Variants in TRIM33 observed in about 807,000 individuals in gnomAD.
TRIM33 encodes tripartite motif containing 33, also known as E3 ubiquitin-protein ligase TRIM33.
Under a neutral mutation model 125.4 loss-of-function variants are expected in TRIM33, and 20 were observed. The ratio of observed to expected loss-of-function variants is 0.16; its 90% CI spans 0.11 to 0.23. TRIM33 has a LOEUF of 0.23. Ranked by LOEUF, TRIM33 falls within the 10% of genes least tolerant of loss-of-function variation. The pLI is 1.00. For missense variants in TRIM33, 920 were observed against 1,411.4 expected, an observed-to-expected ratio of 0.65 and a Z score of 5.58; for synonymous variants, 564 against 513.9, an observed-to-expected ratio of 1.10 and a Z score of -1.32.
chr1:114,426,437 C>G (rs898461996), intron 8 of TRIM33, among the ~76,000 whole-genome samples: 6 of 151,644 alleles, frequency 4.0e-5, no homozygotes, highest in African/African-American at 1.5e-4. Context: ...ACAAAAACAG[C>G]TGGCTGATGT....
intron 1 of TRIM33, among the ~76,000 whole-genome samples, chr1:114,508,638 AGT>A (rs1557910288): frequency 6.6e-6 from 1 of 152,128 alleles, no homozygotes; most frequent in Non-Finnish European, 1.5e-5. Flanking sequence ...GCCCTGCTTC[AGT>A]GTCTGAATAT....
chr1:114,425,315 T>C (rs904737178), intron 9 of TRIM33, 134 bp downstream of exon 9: 1 of 1,193,814 alleles, frequency 8.4e-7, no homozygotes, highest in Non-Finnish European at 1.2e-6. Context: ...CCATAGCAAA[T>C]ATTTAAACTC....
chr1:114,448,719 G>C (rs1207971495), intron 4 of TRIM33, among the ~76,000 whole-genome samples: 3 of 152,164 alleles, frequency 2.0e-5, no homozygotes, highest in Admixed American at 6.5e-5. Context: ...TAAAGTGAAA[G>C]GGTAGTAGGA....
intron 1 of TRIM33, among the ~76,000 whole-genome samples, chr1:114,500,909 G>GAGGGACTTGGCAGGCAGTTCTGGCTTA (rs1570678933): frequency 2.2e-5 from 3 of 134,196 alleles, no homozygotes; most frequent in African/African-American, 6.0e-5. Flanking sequence ...AAGAATTTGG[G>GAGGGACTTGGCAGGCAGTTCTGGCTTA]GCCGGGCGCG....
Position 114,421,775 on chromosome 1 carries a change from C to T in TRIM33, c.1861-139G>A, listed in dbSNP as rs1157775407. ...CTTTCAAACTTATTCAGGAGAAGAA[C>T]AGTTCAAACTCAGCCTTTTCATTTT... On this transcript the variant is annotated intron_variant, in intron 10 of 19. Coordinates refer to ENST00000358465, the MANE Select transcript of TRIM33 (RefSeq NM_015906.4). 6.5e-6 allele frequency: 5 copies of T among 772,246 alleles called. No homozygotes were observed. The African/African-American group carries it at 8.8e-5, about 14-fold the overall frequency. The allele number at this position is 772,246 out of a possible 1,614,324, so 47.8% of individuals were successfully genotyped here.
intron 1 of TRIM33, among the ~76,000 whole-genome samples, chr1:114,469,848 G>A (rs990199905): frequency 1.3e-5 from 2 of 152,132 alleles, no homozygotes; most frequent in African/African-American, 4.8e-5. Flanking sequence ...AAAGAAGAAT[G>A]CTGCTTTATA....
At chr1:114,497,749 G>A (rs1405876239) in intron 1 of TRIM33, among the ~76,000 whole-genome samples, 2 of 151,992 alleles carry the variant, frequency 1.3e-5, no homozygotes, top group Non-Finnish European at 2.9e-5. Flanking sequence ...CTAAAGCAAT[G>A]CCCAACAATT....
intron 4 of TRIM33, among the ~76,000 whole-genome samples, chr1:114,458,825 T>C (rs1397784827): frequency 1.3e-5 from 2 of 152,172 alleles, no homozygotes; most frequent in East Asian, 3.9e-4. Flanking sequence ...ATTTTTTTAA[T>C]GGGGGCTCAA....
chr1:114,459,767 C>CAT (rs752277796), intron 4 of TRIM33, among the ~76,000 whole-genome samples: 59 of 151,998 alleles, frequency 3.9e-4, no homozygotes, highest in Middle Eastern at 6.8e-3. Context: ...TCTCTCTCTC[C>CAT]ATATATATAT....
chr1:114,485,375 C>A (rs1223854903), intron 1 of TRIM33, among the ~76,000 whole-genome samples: 1 of 151,908 alleles, frequency 6.6e-6, no homozygotes, highest in South Asian at 2.1e-4. Flanking sequence ...TCCCACCTGG[C>A]AATAATAAGG....
intron 1 of TRIM33, among the ~76,000 whole-genome samples, chr1:114,487,962 G>T (rs944118066): frequency 1.3e-5 from 2 of 149,584 alleles, no homozygotes; most frequent in African/African-American, 4.9e-5. Flanking sequence ...TCTTCTCATG[G>T]ATTTCTTAAA....
intron 1 of TRIM33, among the ~76,000 whole-genome samples, chr1:114,498,844 G>C (rs1652535964): frequency 1.3e-5 from 2 of 152,014 alleles, no homozygotes; most frequent in Non-Finnish European, 2.9e-5. Context: ...TGAAAAAAAT[G>C]TAAAGTTCTC....
intron 1 of TRIM33, among the ~76,000 whole-genome samples, chr1:114,472,391 ATACTT>A (rs1650702198): frequency 6.6e-6 from 1 of 152,228 alleles, no homozygotes; most frequent in Admixed American, 6.5e-5. Context: ...AAAATAGAAA[ATACTT>A]TATAACAGTG....
intron 1 of TRIM33, chr1:114,468,945 G>A (rs921141592): frequency 1.8e-5 from 4 of 227,246 alleles, no homozygotes; most frequent in African/African-American, 9.5e-5. Context: ...TAGGAACCAA[G>A]AAAACTTATT....
In TRIM33 at chr1:114,392,918, C is replaced by T. The variant is rs1651355646; in HGVS notation, c.*4730G>A. ...TATAACAAGAATTATTTACAGGCAGCTAATGTATTAAATAACCATGAAAAG... is the reference window on the plus strand; with the variant it reads ...TATAACAAGAATTATTTACAGGCAGTTAATGTATTAAATAACCATGAAAAG... On this transcript the variant is annotated 3_prime_UTR_variant, in exon 20 of 20. Coordinates refer to ENST00000358465, the MANE Select transcript of TRIM33 (RefSeq NM_015906.4). 1 of 195,720 alleles carries T rather than the reference C, an allele frequency of 5.1e-6. No homozygotes were observed. The highest frequency in any genetic ancestry group is 2.3e-5 in the African/African-American group (1 of 43,250). 12.1% of individuals were successfully genotyped at this position (195,720 alleles called of 1,614,324 possible). A position where few individuals can be genotyped will look rare whatever the true frequency, so the allele number is the denominator to read the frequency against.
rs774103641 is a variant in TRIM33 at position 114,397,875 on chromosome 1, T to TAGG, written c.3172-18_3172-16dup. 9.3e-6 allele frequency: 15 copies of TAGG among 1,613,894 alleles called. No individual in the cohort carries two copies. The highest frequency in any genetic ancestry group is 1.6e-4 in the Middle Eastern group (1 of 6,084). ...TCTGAATCAGCCTGCAAGCAAAAGATAGGAATATTCACCTATTGGTAATGC... is the reference window on the plus strand; with the variant it reads ...TCTGAATCAGCCTGCAAGCAAAAGATAGGAGGAATATTCACCTATTGGTAATGC... On this transcript the variant is annotated splice_polypyrimidine_tract_variant and intron_variant, in intron 19 of 19. Coordinates refer to ENST00000358465, the MANE Select transcript of TRIM33 (RefSeq NM_015906.4).
intron 1 of TRIM33, among the ~76,000 whole-genome samples, chr1:114,502,610 G>A (rs1289354255): frequency 1.3e-5 from 2 of 152,114 alleles, no homozygotes; most frequent in Non-Finnish European, 2.9e-5. Context: ...AGCCTCAAGT[G>A]ATCCTCCCAC....
chr1:114,462,773 T>C (rs1650072448), intron 4 of TRIM33, among the ~76,000 whole-genome samples: 1 of 152,206 alleles, frequency 6.6e-6, no homozygotes, highest in Non-Finnish European at 1.5e-5. Context: ...ACTGCTTTTG[T>C]AGATTACAGC....
At chr1:114,439,078 C>T (rs1648485638) in intron 4 of TRIM33, among the ~76,000 whole-genome samples, 2 of 152,152 alleles carry the variant, frequency 1.3e-5, no homozygotes, top group Non-Finnish European at 2.9e-5. Flanking sequence ...TCTCAAAAAT[C>T]ACAGTGACAT....
Sources: gnomAD v4.1 joint callset for allele counts (sites outside exome capture counted in the v4.1 genomes callset) on GRCh38, gnomAD v4.1.1 for gene constraint, MANE v1.5 for transcripts, NCBI Gene and HGNC (gene_info 2026-07-23, HGNC 2026-07-21) for gene names.